AGPAT1: variants seen among roughly 807,000 people sequenced by gnomAD.
The protein encoded by AGPAT1 is 1-acyl-sn-glycerol-3-phosphate acyltransferase alpha.
AGPAT1 carries 6 observed loss-of-function variants against 31.2 expected under a neutral mutation model. The ratio of observed to expected loss-of-function variants is 0.19; its 90% CI spans 0.11 to 0.38. AGPAT1 has a LOEUF of 0.38. AGPAT1 is among the 10% of genes least tolerant of loss of function. The probability of loss-of-function intolerance (pLI) is 1.00; values close to 1 mark genes in which losing one functional copy is unlikely to be tolerated. For missense variants in AGPAT1, 187 were observed against 377.8 expected (o/e 0.49, Z 4.19); for synonymous variants, 139 against 154.0 (o/e 0.90, Z 0.72).
Position 32,169,871 on chromosome 6 carries a change from C to T in AGPAT1, c.679+95G>A. On this transcript the variant is annotated intron_variant, in intron 6 of 6. Coordinates refer to ENST00000375107, the MANE Select transcript of AGPAT1 (RefSeq NM_006411.4). The surrounding 1 kb of genome is among the most constrained non-coding windows in gnomAD (Gnocchi z 5.9). ...AGACTAGATGACTGTGTAGACATCT[C>T]ATGGCTCTGACACTGAATGATCCCC... is the stretch of plus-strand genomic sequence containing the variant. 8.6e-7 allele frequency: 1 copy of T among 1,160,104 alleles called. No individual in the cohort carries two copies. The allele number at this position is 1,160,104 out of a possible 1,614,324, so 71.9% of individuals were successfully genotyped here.
In AGPAT1 at chr6:32,169,182, A is replaced by C; in HGVS notation, c.*94T>G. On this transcript the variant is annotated 3_prime_UTR_variant, in exon 7 of 7. Transcript: ENST00000375107. The surrounding 1 kb of genome is among the most constrained non-coding windows in gnomAD (Gnocchi z 5.9). ...AGAATAAGTGGGGAGAGGGGAGACA[A>C]GGAAGAGGGTTTGGCCCTGCTTCAG... The C allele has an allele frequency of 7.5e-7, 1 of 1,336,762 alleles. No homozygotes were observed. Among genetic ancestry groups the C allele is most frequent in the Non-Finnish European group, 1.0e-6 (1 of 957,804 alleles). The allele number at this position is 1,336,762 out of a possible 1,614,324, so 82.8% of individuals were successfully genotyped here.
Position 32,174,334 on chromosome 6 carries a change from T to A in AGPAT1, c.-10+1480A>T, listed in dbSNP as rs894414172. 9.2e-5 allele frequency among the ~76,000 whole-genome samples: 14 copies of A among 152,150 alleles called. No homozygotes were observed. Among genetic ancestry groups the A allele is most frequent in the African/African-American group, 3.4e-4 (14 of 41,416 alleles). On this transcript the variant is annotated intron_variant, in intron 1 of 6. Transcript: ENST00000375107. The surrounding 1 kb of genome is among the most constrained non-coding windows in gnomAD (Gnocchi z 4.5). ...AGAAGTGACTACTAAAAGAAGTCAC[T>A]GAGAAAGTAACGAACACACCAAGCC...
In AGPAT1 at chr6:32,171,884, T is replaced by A; in HGVS notation, c.-9-379A>T. 3.3e-6 allele frequency: 1 copy of A among 299,076 alleles called. No individual in the cohort carries two copies. Among genetic ancestry groups the A allele is most frequent in the Non-Finnish European group, 6.3e-6 (1 of 159,282 alleles). 18.5% of individuals were successfully genotyped at this position (299,076 alleles called of 1,614,324 possible). ...TCCGAGAAAGTAGCCACCACCTACA[T>A]GTGGCTACTTGAAATGCAGCTAGTC... On this transcript the variant is annotated intron_variant, in intron 1 of 6. Coordinates refer to ENST00000375107, the MANE Select transcript of AGPAT1 (RefSeq NM_006411.4). The surrounding 1 kb of genome is among the most constrained non-coding windows in gnomAD (Gnocchi z 6.9).
rs1561851812 is a variant in AGPAT1, at chr6:32,173,894, GTTT to G, written c.-10+1917_-10+1919del. Among the ~76,000 whole-genome samples the G allele has an allele frequency of 6.6e-6, 1 of 152,146 alleles. No individual in the cohort carries two copies. The highest frequency in any genetic ancestry group is 1.5e-5 in the Non-Finnish European group (1 of 68,018). ...TTCTGGGCATTAGGTCCAGCAATCT[GTTT>G]TTCTTTTTCTCACTCTGTCACTCAG... is the stretch of plus-strand genomic sequence containing the variant. On this transcript the variant is annotated intron_variant, in intron 1 of 6. Transcript: ENST00000375107. This position sits in a 1 kb window ranked among gnomAD's most constrained non-coding sequence, Gnocchi z 4.7.
rs1039863994 is a variant in AGPAT1 at position 32,168,436 on chromosome 6, G to A, written c.*840C>T. On this transcript the variant is annotated 3_prime_UTR_variant, in exon 7 of 7. Transcript: ENST00000375107. The surrounding 1 kb of genome is among the most constrained non-coding windows in gnomAD (Gnocchi z 4.5). ...CAACAGAAAAAGAAATAAATTAAAAGCCCTCCTATCCCCTCCAGCCAGGGT... is the reference window on the plus strand; with the variant it reads ...CAACAGAAAAAGAAATAAATTAAAAACCCTCCTATCCCCTCCAGCCAGGGT... 6.3e-6 allele frequency: 1 copy of A among 158,868 alleles called. No homozygotes were observed. The highest frequency in any genetic ancestry group is 2.4e-5 in the African/African-American group (1 of 41,554). The allele number at this position is 158,868 out of a possible 1,614,324, so 9.8% of individuals were successfully genotyped here.
Position 32,171,022 on chromosome 6 carries a change from T to C in AGPAT1, c.249A>G (p.Arg83=). The C allele has an allele frequency of 6.2e-7, 1 of 1,612,748 alleles. No individual in the cohort carries two copies. The highest frequency in any genetic ancestry group is 8.5e-7 in the Non-Finnish European group (1 of 1,179,948). Residue 83 remains arginine, a synonymous_variant, in exon 3 of 7, where the codon CGA becomes CGG. Transcript: ENST00000375107. The surrounding 1 kb of genome is among the most constrained non-coding windows in gnomAD (Gnocchi z 6.9). The part of the protein sequence containing the change: ...LLHIKYLYGI[R]VEVRGAHHFP... ...AGTGGTGAGCCCCTCGCACCTCCAC[T>C]CGGATCCCGTACAGGTATTTGATGT...
chr6:32,177,322 T>G, upstream of AGPAT1: 2 of 381,856 alleles, frequency 5.2e-6, no homozygotes, highest in East Asian at 7.5e-5. Flanking sequence ...GAAGACCCTA[T>G]TTCTGATGGG....
In AGPAT1 at chr6:32,173,009, T is replaced by C. The variant is rs1415235263; in HGVS notation, c.-9-1504A>G. The stretch of plus-strand genomic sequence containing the variant: ...ATCCTACTACCCTTTCCCTTCCTTC[T>C]AGTGACACTTTGCGTGGGCAGGTAC... On this transcript the variant is annotated intron_variant, in intron 1 of 6. Transcript: ENST00000375107. The surrounding 1 kb of genome is among the most constrained non-coding windows in gnomAD (Gnocchi z 4.7). The C allele has an allele frequency of 1.3e-5, 2 of 152,172 alleles. No individual in the cohort carries two copies. The highest frequency in any genetic ancestry group is 6.5e-5 in the Admixed American group (1 of 15,284). The allele number at this position is 152,172 out of a possible 1,614,324, so 9.4% of individuals were successfully genotyped here.
At position 32,175,677 on chromosome 6, in the gene AGPAT1, C is replaced by G. The variant is rs183995385; in HGVS notation, c.-10+137G>C. ...CTCTCCTATCCCCAGCAACCCTCTT[C>G]CCAGTCGGCCCCTCTCCTTTCCCCA... On this transcript the variant is annotated intron_variant, in intron 1 of 6. Transcript: ENST00000375107. This position sits in a 1 kb window ranked among gnomAD's most constrained non-coding sequence, Gnocchi z 4.5. The G allele has an allele frequency of 2.3e-4, 65 of 277,586 alleles. 1 individual carries two copies. Among genetic ancestry groups the G allele is most frequent in the Non-Finnish European group, 3.2e-4 (59 of 182,490 alleles). The allele number at this position is 277,586 out of a possible 1,614,324, so 17.2% of individuals were successfully genotyped here.
chr6:32,170,522 G>A lies in AGPAT1; in HGVS notation c.413C>T (p.Ala138Val), dbSNP rs1398644029. The A allele has an allele frequency of 6.2e-7, 1 of 1,612,988 alleles. No homozygotes were observed. The highest frequency in any genetic ancestry group is 2.2e-5 in the East Asian group (1 of 44,880). ...ELLWAGSAGL[A>V]CWLAGVIFID... ...GAAGATGACTCCTGCCAGCCAGCAG[G>A]CCAGCCCGGCAGAGCCAGCCCACAG... Residue 138 changes from alanine to valine, a missense_variant, in exon 4 of 7, where the codon GCC (alanine) becomes GTC (valine). Ala to Val is a moderately conservative substitution (Grantham distance 64, BLOSUM62 0). This residue lies in a region of AGPAT1 where 113 missense variants were observed against 283.1 expected (regional missense o/e 0.40). Coordinates refer to ENST00000375107, the MANE Select transcript of AGPAT1 (RefSeq NM_006411.4). The surrounding 1 kb of genome is among the most constrained non-coding windows in gnomAD (Gnocchi z 7.7).
At chr6:32,176,134 G>C, upstream of AGPAT1, 1 of 985,084 alleles carries the variant, frequency 1.0e-6, no homozygotes, top group Non-Finnish European at 1.2e-6. Context: ...GGGCCGGCCA[G>C]GAAGTGGAGG....
At chr6:32,176,571 T>G, upstream of AGPAT1, 4 of 980,114 alleles carry the variant, frequency 4.1e-6, no homozygotes, top group Non-Finnish European at 4.9e-6. Flanking sequence ...TCTCACTCCA[T>G]CTCACTCTCC....
rs368159756 is a variant in AGPAT1 at position 32,172,236 on chromosome 6, C to T, written c.-9-731G>A. ...CTGAGGCAGGAGAATCGCTTGAATC[C>T]GGGAGGCGGAGGTTGCAGTGAGCCA... On this transcript the variant is annotated intron_variant, in intron 1 of 6. Transcript: ENST00000375107. This position sits in a 1 kb window ranked among gnomAD's most constrained non-coding sequence, Gnocchi z 4.3. Among the ~76,000 whole-genome samples, 2 of 151,584 alleles carry T rather than the reference C, an allele frequency of 1.3e-5. No individual in the cohort carries two copies. The highest frequency in any genetic ancestry group is 2.9e-5 in the Non-Finnish European group (2 of 67,928).
At chr6:32,177,160 C>G (rs1785638727), upstream of AGPAT1, 1 of 398,458 alleles carries the variant, frequency 2.5e-6, no homozygotes, top group Non-Finnish European at 4.4e-6. Flanking sequence ...CAAGGTCCCC[C>G]CTCTAGCCAC....
Position 32,169,914 on chromosome 6 carries a change from C to A in AGPAT1, c.679+52G>T. ...TGATCCCCCTGCCTCACAGGGATGT[C>A]CTCCCAGCCTCTCCGGACACACCCT... On this transcript the variant is annotated intron_variant, in intron 6 of 6. Coordinates refer to ENST00000375107, the MANE Select transcript of AGPAT1 (RefSeq NM_006411.4). The surrounding 1 kb of genome is among the most constrained non-coding windows in gnomAD (Gnocchi z 5.9). The A allele has an allele frequency of 6.6e-7, 1 of 1,513,466 alleles. No individual in the cohort carries two copies. The highest frequency in any genetic ancestry group is 9.2e-7 in the Non-Finnish European group (1 of 1,092,738). The allele number at this position is 1,513,466 out of a possible 1,614,324, so 93.8% of individuals were successfully genotyped here.
rs1785247830 is a variant in AGPAT1 at position 32,173,143 on chromosome 6, C to T, written c.-9-1638G>A. On this transcript the variant is annotated intron_variant, in intron 1 of 6. Coordinates refer to ENST00000375107, the MANE Select transcript of AGPAT1 (RefSeq NM_006411.4). This position sits in a 1 kb window ranked among gnomAD's most constrained non-coding sequence, Gnocchi z 4.7. ...CTCAAGAGGAAGAGAGGCAGGAACA[C>T]AGAACCTGTGTTCTAGGTTCTTCCT... is the stretch of plus-strand genomic sequence containing the variant. The T allele has an allele frequency of 1.3e-5, 2 of 152,308 alleles. No individual in the cohort carries two copies. Among genetic ancestry groups the T allele is most frequent in the South Asian group, 4.1e-4 (2 of 4,824 alleles). 9.4% of individuals were successfully genotyped at this position (152,308 alleles called of 1,614,324 possible).
Position 32,170,872 on chromosome 6 carries a change from T to C in AGPAT1, c.334+65A>G. ...AATTGAGGATCTCTAGGAGAAGATA[T>C]TCTAGGGAAGGTTTCAGGAGGGGAG... On this transcript the variant is annotated intron_variant, in intron 3 of 6. Transcript: ENST00000375107. The surrounding 1 kb of genome is among the most constrained non-coding windows in gnomAD (Gnocchi z 7.7). 2 of 1,562,260 alleles carry C rather than the reference T, an allele frequency of 1.3e-6. No homozygotes were observed. Among genetic ancestry groups the C allele is most frequent in the Non-Finnish European group, 1.7e-6 (2 of 1,146,322 alleles).
rs965727705 is a variant in AGPAT1 at position 32,174,841 on chromosome 6, T to C, written c.-10+973A>G. On this transcript the variant is annotated intron_variant, in intron 1 of 6. Transcript: ENST00000375107. The surrounding 1 kb of genome is among the most constrained non-coding windows in gnomAD (Gnocchi z 4.5). ...GCATACGGCTCACAAAATATACTGA[T>C]GACAAATTTATAACACACATTCTAT... Among the ~76,000 whole-genome samples the C allele has an allele frequency of 7.9e-5, 12 of 152,226 alleles. No individual in the cohort carries two copies. The highest frequency in any genetic ancestry group is 1.6e-4 in the Non-Finnish European group (11 of 68,042).
At chr6:32,176,905 G>A (rs1319114670), upstream of AGPAT1, 21 of 397,844 alleles carry the variant, frequency 5.3e-5, 1 homozygote, top group East Asian at 7.5e-4. Context: ...CCTCTGGAAT[G>A]CGCGTGCCTC....
Sources: gnomAD v4.1 joint callset for allele counts (sites outside exome capture counted in the v4.1 genomes callset) on GRCh38, gnomAD v4.1.1 for gene constraint, gnomAD v4.1.1 regional missense constraint, Gnocchi (gnomAD v3.1) non-coding constraint, MANE v1.5 for transcripts, NCBI Gene and HGNC (gene_info 2026-07-23, HGNC 2026-07-21) for gene names.